Variants in SHROOM3 observed in about 807,000 individuals in gnomAD.
SHROOM3 encodes the protein protein Shroom3.
SHROOM3 carries 47 observed loss-of-function variants against 138.6 expected under a neutral mutation model. The observed-to-expected ratio is 0.34, with a 90% confidence interval of 0.27 to 0.43. SHROOM3 has a LOEUF of 0.43. Among genes scored for constraint, SHROOM3 ranks in the 20% least tolerant of loss-of-function variants. SHROOM3 has a pLI of 1.00. For synonymous variants in SHROOM3, 1,062 were observed against 1,063.3 expected (o/e 1.00, Z 0.02); for missense variants, 2,491 against 2,596.5 (o/e 0.96, Z 0.88).
chr4:76,636,314 A>G (rs1161368128), intron 2 of SHROOM3, among the ~76,000 whole-genome samples: 3 of 152,232 alleles, frequency 2.0e-5, no homozygotes, highest in Non-Finnish European at 4.4e-5. Flanking sequence ...ACACAGCCCT[A>G]CTTGTTTAAT....
chr4:76,640,615 T>G (rs1735639844), intron 2 of SHROOM3, among the ~76,000 whole-genome samples: 1 of 152,212 alleles, frequency 6.6e-6, no homozygotes, highest in South Asian at 2.1e-4. Flanking sequence ...CATAATATTG[T>G]TTTGTTCTTG....
rs191198859 is a variant in SHROOM3 at position 76,488,394 on chromosome 4, A to G, written c.168+52174A>G. ...CTGTACATGCATTAACAATTTTCTT[A>G]GTGGCATGTATACTTGAGTAGGAGG... On this transcript the variant is annotated intron_variant, in intron 1 of 10. Transcript: ENST00000296043. 1.2e-3 allele frequency among the ~76,000 whole-genome samples: 185 copies of G among 152,302 alleles called. 1 individual carries two copies. In the Middle Eastern group the frequency reaches 0.02, roughly 17 times the overall value.
intron 2 of SHROOM3, among the ~76,000 whole-genome samples, chr4:76,630,163 G>C (rs1242837097): frequency 2.0e-5 from 3 of 152,172 alleles, no homozygotes; most frequent in Admixed American, 2.0e-4. Flanking sequence ...ACCACGTACA[G>C]CTTGAACTAG....
intron 2 of SHROOM3, among the ~76,000 whole-genome samples, chr4:76,677,293 A>T (rs1046457346): frequency 2.6e-5 from 4 of 152,176 alleles, no homozygotes; most frequent in Admixed American, 6.5e-5. Context: ...AACCTACAGC[A>T]CATCTTGGTT....
intron 2 of SHROOM3, among the ~76,000 whole-genome samples, chr4:76,615,609 G>A (rs1014245692): frequency 1.3e-5 from 2 of 152,172 alleles, no homozygotes; most frequent in African/African-American, 2.4e-5. Flanking sequence ...GTCATGTGAA[G>A]GAGTGGAGGG....
intron 1 of SHROOM3, among the ~76,000 whole-genome samples, chr4:76,533,678 A>T (rs7442104): frequency 0.23 from 34,339 of 152,164 alleles, 4,240 homozygotes; most frequent in East Asian, 0.51. Flanking sequence ...TATTTTAAAA[A>T]CTAAGTAATA....
Position 76,435,833 on chromosome 4 carries a change from G to T in SHROOM3, c.-220G>T. ...TGAGAACCCAGAATTCCTGGAGGAG[G>T]ATTTACATTCAGAAATGTTGAAGTG... On this transcript the variant is annotated 5_prime_UTR_variant, in exon 1 of 11. Transcript: ENST00000296043. The T allele has an allele frequency of 1.9e-6, 1 of 525,870 alleles. No individual in the cohort carries two copies. The allele number at this position is 525,870 out of a possible 1,614,324, so 32.6% of individuals were successfully genotyped here. A position where few individuals can be genotyped will look rare whatever the true frequency, so the allele number is the denominator to read the frequency against.
chr4:76,633,332 C>CAAAAAAAAAA (rs56002974), intron 2 of SHROOM3, among the ~76,000 whole-genome samples: 2 of 83,858 alleles, frequency 2.4e-5, no homozygotes, highest in African/African-American at 9.3e-5. Flanking sequence ...GACTCAGTCT[C>CAAAAAAAAAA]AAAAAAAAAA....
chr4:76,729,142 C>T (rs1352425410), intron 3 of SHROOM3, among the ~76,000 whole-genome samples: 2 of 152,164 alleles, frequency 1.3e-5, no homozygotes, highest in Non-Finnish European at 2.9e-5. Flanking sequence ...ATAGGTTCTA[C>T]TATAATCTGC....
At chr4:76,594,769 T>G (rs1734346896) in intron 2 of SHROOM3, among the ~76,000 whole-genome samples, 1 of 152,182 alleles carries the variant, frequency 6.6e-6, no homozygotes, top group Non-Finnish European at 1.5e-5. Context: ...CTGGATTTGG[T>G]GCATTTAACA....
intron 1 of SHROOM3, among the ~76,000 whole-genome samples, chr4:76,542,634 A>G (rs544161903): frequency 2.6e-4 from 40 of 152,378 alleles, no homozygotes; most frequent in African/African-American, 9.6e-4. Flanking sequence ...AAGCTAGAAA[A>G]GGAAAGGAAA....
chr4:76,713,616 T>C (rs989857839), intron 3 of SHROOM3, among the ~76,000 whole-genome samples: 6 of 152,200 alleles, frequency 3.9e-5, no homozygotes, highest in African/African-American at 1.4e-4. Context: ...TATAATATAG[T>C]AAATACATAA....
At chr4:76,722,258 T>G (rs1720574373) in intron 3 of SHROOM3, among the ~76,000 whole-genome samples, 1 of 152,154 alleles carries the variant, frequency 6.6e-6, no homozygotes, top group Non-Finnish European at 1.5e-5. Flanking sequence ...GGAATCATCC[T>G]AAAGGGCCAT....
intron 1 of SHROOM3, among the ~76,000 whole-genome samples, chr4:76,535,523 A>C (rs903396564): frequency 6.6e-6 from 1 of 152,222 alleles, no homozygotes. Context: ...TGACAATAAT[A>C]ATACTTAAGG....
chr4:76,665,889 C>T (rs992843501), intron 2 of SHROOM3, among the ~76,000 whole-genome samples: 1 of 152,152 alleles, frequency 6.6e-6, no homozygotes, highest in Admixed American at 6.5e-5. Flanking sequence ...CATCCTGACC[C>T]CACGCCATAC....
At chr4:76,676,431 G>A (rs1259108628) in intron 2 of SHROOM3, among the ~76,000 whole-genome samples, 2 of 152,028 alleles carry the variant, frequency 1.3e-5, no homozygotes, top group East Asian at 1.9e-4. Context: ...TTGTTTTAAT[G>A]GTATCAATAG....
At chr4:76,724,334 A>T (rs1720637340) in intron 3 of SHROOM3, among the ~76,000 whole-genome samples, 1 of 152,208 alleles carries the variant, frequency 6.6e-6, no homozygotes, top group South Asian at 2.1e-4. Flanking sequence ...GATCAAAGTG[A>T]TCCCAAAATG....
chr4:76,589,030 GGACTGACTGGT>G (rs1402311288), intron 2 of SHROOM3, among the ~76,000 whole-genome samples: 1 of 152,224 alleles, frequency 6.6e-6, no homozygotes, highest in Non-Finnish European at 1.5e-5. Context: ...CTTCTTAGTT[GGACTGACTGGT>G]TTAAAAAATG....
intron 1 of SHROOM3, among the ~76,000 whole-genome samples, chr4:76,527,435 T>C (rs2110013688): frequency 6.6e-6 from 1 of 151,962 alleles, no homozygotes; most frequent in Admixed American, 6.5e-5. Context: ...ATACAAAAAT[T>C]AGTTTGGCAT....
Sources: gnomAD v4.1 joint callset for allele counts (sites outside exome capture counted in the v4.1 genomes callset) on GRCh38, gnomAD v4.1.1 for gene constraint, MANE v1.5 for transcripts, NCBI Gene and HGNC (gene_info 2026-07-23, HGNC 2026-07-21) for gene names.